PVT1: variants seen among roughly 807,000 people sequenced by gnomAD.
PVT1 encodes Pvt1 oncogene.
chr8:127,867,150 T>G (rs1009683190), intron 2 of PVT1, among the ~76,000 whole-genome samples: 2 of 152,226 alleles, frequency 1.3e-5, no homozygotes, highest in Non-Finnish European at 2.9e-5. Flanking sequence ...TCGGGCTTGC[T>G]TGCCCAGAAT....
At chr8:128,038,937 A>G (rs1372594955) in intron 4 of PVT1, among the ~76,000 whole-genome samples, 1 of 152,170 alleles carries the variant, frequency 6.6e-6, no homozygotes, top group East Asian at 1.9e-4. Context: ...CCAAGTCATT[A>G]TAACACAGAA....
chr8:127,948,734 G>C (rs1046227816), intron 3 of PVT1: 3 of 152,260 alleles, frequency 2.0e-5, no homozygotes, highest in South Asian at 2.1e-4. Flanking sequence ...ACAAGCCCAG[G>C]AGAGAGGCCT....
intron 4 of PVT1, among the ~76,000 whole-genome samples, chr8:127,992,783 T>C (rs894223236): frequency 3.9e-5 from 6 of 152,214 alleles, no homozygotes; most frequent in African/African-American, 1.4e-4. Flanking sequence ...TTTGGACTCC[T>C]CTTCTGGCCT....
chr8:127,891,306 A>C (rs1434601678), intron 3 of PVT1, among the ~76,000 whole-genome samples: 1 of 152,174 alleles, frequency 6.6e-6, no homozygotes, highest in African/African-American at 2.4e-5. Flanking sequence ...ACAGTCTCTC[A>C]TGCTGCAGAA....
intron 2 of PVT1, among the ~76,000 whole-genome samples, chr8:127,866,019 G>T (rs1378124105): frequency 6.6e-6 from 1 of 152,180 alleles, no homozygotes; most frequent in Non-Finnish European, 1.5e-5. Context: ...AAATTCACAT[G>T]CCCATGGCTT....
At chr8:127,936,568 C>T (rs1401927332) in intron 3 of PVT1, among the ~76,000 whole-genome samples, 3 of 152,140 alleles carry the variant, frequency 2.0e-5, no homozygotes, top group Non-Finnish European at 4.4e-5. Context: ...TGGATCTGTG[C>T]ATCCTACCGC....
chr8:128,062,059 T>A (rs1191773690), intron 4 of PVT1, among the ~76,000 whole-genome samples: 1 of 152,208 alleles, frequency 6.6e-6, no homozygotes, highest in Non-Finnish European at 1.5e-5. Flanking sequence ...TCTTAATTGA[T>A]GTGATTAACT....
chr8:127,889,059 C>CCTT (rs1157473064), intron 2 of PVT1, among the ~76,000 whole-genome samples: 2 of 140,252 alleles, frequency 1.4e-5, no homozygotes, highest in Non-Finnish European at 3.1e-5. Flanking sequence ...TTCCTTCCTT[C>CCTT]CTTCCTTCCT....
At chr8:127,826,014 C>CTTTTTTTTTTTTTTTT (rs57575268) in intron 2 of PVT1, among the ~76,000 whole-genome samples, 2 of 89,672 alleles carry the variant, frequency 2.2e-5, no homozygotes, top group Non-Finnish European at 2.0e-5. Flanking sequence ...CCATGCCCAG[C>CTTTTTTTTTTTTTTTT]TTTTTTTTTT....
chr8:127,874,998 C>A (rs1015128597), intron 2 of PVT1, among the ~76,000 whole-genome samples: 21 of 151,926 alleles, frequency 1.4e-4, no homozygotes, highest in African/African-American at 5.1e-4. Context: ...TTTCACCATG[C>A]GTGCTTCTTT....
chr8:127,923,980 G>C (rs1412754248), intron 3 of PVT1, among the ~76,000 whole-genome samples: 2 of 152,208 alleles, frequency 1.3e-5, no homozygotes, highest in Non-Finnish European at 2.9e-5. Context: ...AATTGCTCGG[G>C]GCAGGAGACA....
intron 5 of PVT1, among the ~76,000 whole-genome samples, chr8:128,073,987 T>C (rs2130140027): frequency 6.6e-6 from 1 of 152,254 alleles, no homozygotes; most frequent in African/African-American, 2.4e-5. Context: ...GTGCTAGTCA[T>C]GAACCCAACA....
intron 3 of PVT1, among the ~76,000 whole-genome samples, chr8:127,934,448 C>T (rs921888947): frequency 6.6e-6 from 1 of 152,156 alleles, no homozygotes; most frequent in Non-Finnish European, 1.5e-5. Flanking sequence ...GGTCTGGGCT[C>T]TCTCGGGATG....
At chr8:127,928,465 T>A (rs1239961692) in intron 3 of PVT1, among the ~76,000 whole-genome samples, 6 of 152,230 alleles carry the variant, frequency 3.9e-5, no homozygotes, top group Non-Finnish European at 1.5e-5. Flanking sequence ...TTGTCTTCTT[T>A]ATCATCTGCT....
At chr8:127,962,739 G>A (rs1816659840) in intron 3 of PVT1, among the ~76,000 whole-genome samples, 1 of 152,116 alleles carries the variant, frequency 6.6e-6, no homozygotes, top group Non-Finnish European at 1.5e-5. Flanking sequence ...TGGGATTACA[G>A]GGGCACACCA....
intron 2 of PVT1, among the ~76,000 whole-genome samples, chr8:127,850,773 G>A (rs753278543): frequency 6.6e-6 from 1 of 152,154 alleles, no homozygotes; most frequent in Non-Finnish European, 1.5e-5. Flanking sequence ...AATCCCAGCA[G>A]TTTGGGAGGC....
chr8:127,934,533 C>T (rs1816248334), intron 3 of PVT1, among the ~76,000 whole-genome samples: 1 of 152,152 alleles, frequency 6.6e-6, no homozygotes, highest in Admixed American at 6.5e-5. Context: ...AAGAGTTGGC[C>T]AGCCTTTGTT....
intron 4 of PVT1, among the ~76,000 whole-genome samples, chr8:128,068,463 A>G (rs911652229): frequency 6.6e-5 from 10 of 152,018 alleles, no homozygotes; most frequent in African/African-American, 1.9e-4. Context: ...TACCTCCCCC[A>G]TCAGGTTGCC....
At chr8:127,893,526 C>A (rs541565539) in intron 3 of PVT1, among the ~76,000 whole-genome samples, 2 of 152,192 alleles carry the variant, frequency 1.3e-5, no homozygotes, top group Admixed American at 6.5e-5. Flanking sequence ...CGATTACAAG[C>A]GTGACCCACC....
Sources: allele counts gnomAD v4.1 joint callset (sites outside exome capture counted in the v4.1 genomes callset), GRCh38; gene constraint gnomAD v4.1.1; transcripts MANE v1.5; gene names NCBI Gene and HGNC (gene_info 2026-07-23, HGNC 2026-07-21).